SLIT2: variants seen among roughly 807,000 people sequenced by gnomAD.
SLIT2 encodes slit homolog 2 protein.
A neutral mutation model predicts 185.7 loss-of-function variants in SLIT2; 41 were observed. The observed-to-expected ratio is 0.22, with a 90% CI of 0.17 to 0.29. The LOEUF (loss-of-function observed/expected upper bound fraction) is 0.29. Ranked by LOEUF, SLIT2 falls within the 10% of genes least tolerant of loss-of-function variation. The pLI is 1.00. For synonymous variants in SLIT2, 693 were observed against 680.2 expected, an observed-to-expected ratio of 1.02 and a Z score of -0.29; for missense variants, 1,571 against 1,909.0, an observed-to-expected ratio of 0.82 and a Z score of 3.30.
chr4:20,542,566 G>A lies in SLIT2; in HGVS notation c.2216G>A (p.Arg739Gln), dbSNP rs534445098. Reference protein sequence around the residue: ...TECTCLDTVVRCSNKGLKVLP... With the variant: ...TECTCLDTVVQCSNKGLKVLP... ...TGTACTTGCTTGGATACAGTCGTCC[G>A]ATGTAGCAACAAGGGTTTGAAGGTC... Residue 739 changes from arginine (R) to glutamine (Q), a missense_variant, in exon 21 of 37, where the codon CGA (arginine) becomes CAA (glutamine). This residue lies in a region of SLIT2 where 1,202 missense variants were observed against 1,416.4 expected (regional missense o/e 0.85). Transcript: ENST00000504154. The A allele has an allele frequency of 2.5e-6, 4 of 1,613,832 alleles. No homozygotes were observed. The highest frequency in any genetic ancestry group is 1.3e-5 in the African/African-American group (1 of 75,022).
intron 22 of SLIT2, among the ~76,000 whole-genome samples, chr4:20,547,376 G>A (rs1375070531): frequency 6.6e-6 from 1 of 152,052 alleles, no homozygotes; most frequent in Non-Finnish European, 1.5e-5. Flanking sequence ...ATGAGGATTT[G>A]TGGATCCAAA....
rs137970721 is a variant in SLIT2 at position 20,577,902 on chromosome 4, C to A, written c.3088+8898C>A. On this transcript the variant is annotated intron_variant, in intron 29 of 36. Coordinates refer to ENST00000504154, the MANE Select transcript of SLIT2 (RefSeq NM_004787.4). ...CTCAAACATTCCACTTAAGTGCTGA[C>A]AAGTGCAATTTCTTGATAATGGAGC... Among the ~76,000 whole-genome samples the A allele has an allele frequency of 3.8e-3, 571 of 152,244 alleles. 2 individuals are homozygous for A. The highest frequency in any genetic ancestry group is 0.013 in the African/African-American group (538 of 41,498).
At chr4:20,458,164 A>C (rs1237699751) in intron 4 of SLIT2, among the ~76,000 whole-genome samples, 1 of 152,050 alleles carries the variant, frequency 6.6e-6, no homozygotes, top group East Asian at 1.9e-4. Context: ...AACAGTGTGA[A>C]CGTACTTAAC....
chr4:20,347,322 A>G (rs1721511014), intron 4 of SLIT2, among the ~76,000 whole-genome samples: 1 of 152,226 alleles, frequency 6.6e-6, no homozygotes, highest in Non-Finnish European at 1.5e-5. Flanking sequence ...ATACTGTTCC[A>G]GCTATGTAAC....
rs1407706632 is a variant in SLIT2 at position 20,619,178 on chromosome 4, AAG to A, written c.*171_*172del. 3 of 668,200 alleles carry A rather than the reference AAG, an allele frequency of 4.5e-6. No individual in the cohort carries two copies. Among genetic ancestry groups the A allele is most frequent in the Non-Finnish European group, 7.0e-6 (3 of 428,966 alleles). 41.4% of individuals were successfully genotyped at this position (668,200 alleles called of 1,614,324 possible). The stretch of plus-strand genomic sequence containing the variant: ...TTTTCTGCATTTGGAAAAAAAAAAA[AAG>A]AAATGCTTGAACTAAAGCTTCCCCT... On this transcript the variant is annotated 3_prime_UTR_variant, in exon 37 of 37. Coordinates refer to ENST00000504154, the MANE Select transcript of SLIT2 (RefSeq NM_004787.4).
intron 28 of SLIT2, 24 bp from the exon 29 acceptor site, chr4:20,568,841 T>C (rs1188092946): frequency 6.2e-7 from 1 of 1,603,946 alleles, no homozygotes; most frequent in Non-Finnish European, 8.5e-7. Context: ...AGATGTTTTT[T>C]GCCTTTTCTC....
At chr4:20,467,972 A>T (rs1170802754) in intron 5 of SLIT2, 149 bp downstream of exon 5, 1 of 452,686 alleles carries the variant, frequency 2.2e-6, no homozygotes, top group Non-Finnish European at 4.0e-6. Context: ...TAAGTTGTCA[A>T]TTGTTTTCAC....
intron 4 of SLIT2, among the ~76,000 whole-genome samples, 159 bp from the exon 5 acceptor site, chr4:20,467,593 T>A (rs1469739606): frequency 2.7e-5 from 3 of 109,450 alleles, no homozygotes; most frequent in Non-Finnish European, 6.6e-5. Flanking sequence ...TATAAAATAT[T>A]TATATTAGAA....
chr4:20,296,901 G>T (rs1275680376), intron 4 of SLIT2, among the ~76,000 whole-genome samples: 1 of 152,242 alleles, frequency 6.6e-6, no homozygotes, highest in Non-Finnish European at 1.5e-5. Context: ...ACTAGTGCCA[G>T]TGTGAAATTG....
intron 32 of SLIT2, 37 bp downstream of exon 32, chr4:20,596,692 T>A: frequency 1.3e-6 from 2 of 1,585,390 alleles, no homozygotes; most frequent in Non-Finnish European, 1.7e-6. Flanking sequence ...TGATCGGATC[T>A]TAAAATTCAG....
intron 1 of SLIT2, among the ~76,000 whole-genome samples, chr4:20,255,749 A>G (rs1338233196): frequency 1.3e-5 from 2 of 152,182 alleles, no homozygotes; most frequent in Admixed American, 6.5e-5. Context: ...GGGATGAACA[A>G]AAAGTTTCCA....
intron 4 of SLIT2, among the ~76,000 whole-genome samples, chr4:20,374,768 T>A (rs191795521): frequency 6.6e-5 from 10 of 152,244 alleles, no homozygotes; most frequent in African/African-American, 2.2e-4. Flanking sequence ...TTCAGTTTGC[T>A]GCTACATGTT....
chr4:20,509,729 A>T (rs1299134595), intron 9 of SLIT2, among the ~76,000 whole-genome samples: 1 of 152,208 alleles, frequency 6.6e-6, no homozygotes, highest in East Asian at 1.9e-4. Context: ...CATGCAATCT[A>T]CTTATTTGTG....
chr4:20,283,670 T>C (rs1404749138), intron 4 of SLIT2, among the ~76,000 whole-genome samples: 1 of 152,160 alleles, frequency 6.6e-6, no homozygotes, highest in Admixed American at 6.6e-5. Flanking sequence ...TTATTTATTG[T>C]TAATATTGAG....
intron 4 of SLIT2, among the ~76,000 whole-genome samples, chr4:20,345,522 C>T (rs532727140): frequency 9.2e-5 from 13 of 141,832 alleles, no homozygotes; most frequent in South Asian, 2.3e-4. Context: ...TTTTCTTTTT[C>T]TTTTTTCCTT....
rs1463409717 is a variant in SLIT2 at position 20,598,350 on chromosome 4, G to A, written c.3647G>A (p.Arg1216His). The A allele has an allele frequency of 2.5e-6, 4 of 1,614,052 alleles. No individual in the cohort carries two copies. The highest frequency in any genetic ancestry group is 1.7e-5 in the Admixed American group (1 of 60,004). The change falls in exon 33 of 37, where the codon CGT becomes CAT. Residue 1216 changes from arginine to histidine, a missense_variant. This residue lies in a region of SLIT2 where 146 missense variants were observed against 247.4 expected (regional missense o/e 0.59). Transcript: ENST00000504154. ...IAVELYRGRVRASYDTGSHPA... is the reference protein window; with the variant it reads ...IAVELYRGRVHASYDTGSHPA... ...GTAGAACTCTATCGGGGGCGTGTTC[G>A]TGCCAGCTATGACACCGGCTCTCAT...
chr4:20,529,522 C>A (rs545995247), intron 16 of SLIT2, among the ~76,000 whole-genome samples: 1 of 152,284 alleles, frequency 6.6e-6, no homozygotes, highest in African/African-American at 2.4e-5. Flanking sequence ...GTCTGTCTTA[C>A]CTAATTTACT....
chr4:20,546,023 G>GT lies in SLIT2; in HGVS notation c.2277-3dup. 6.7e-7 allele frequency: 1 copy of GT among 1,501,246 alleles called. No individual in the cohort carries two copies. The highest frequency in any genetic ancestry group is 9.2e-7 in the Non-Finnish European group (1 of 1,085,826). The allele number at this position is 1,501,246 out of a possible 1,614,324, so 93.0% of individuals were successfully genotyped here. ...TGTAAGAAGATAATATTGTTCCATT[G>GT]TTTTTAGGTATCTGGATGGAAACCA... On this transcript the variant is annotated splice_polypyrimidine_tract_variant and splice_region_variant and intron_variant, in intron 21 of 36. Transcript: ENST00000504154.
intron 4 of SLIT2, among the ~76,000 whole-genome samples, chr4:20,446,577 G>A (rs978670300): frequency 6.6e-6 from 1 of 152,188 alleles, no homozygotes; most frequent in African/African-American, 2.4e-5. Flanking sequence ...AATGAGTCAG[G>A]CAGTGTTTAA....
Sources: allele counts gnomAD v4.1 joint callset (sites outside exome capture counted in the v4.1 genomes callset), GRCh38; gene constraint gnomAD v4.1.1; regional missense constraint gnomAD v4.1.1; transcripts MANE v1.5; gene names NCBI Gene and HGNC (gene_info 2026-07-23, HGNC 2026-07-21).